The following BANF2 variants were observed in gnomAD, a reference collection of about 807,000 sequenced individuals.
BANF2 encodes BANF family member 2, also known as barrier-to-autointegration factor-like protein.
BANF2 carries 4 observed loss-of-function variants against 8.0 expected under a neutral mutation model. That is an observed-to-expected ratio of 0.50 (90% CI 0.25 to 1.14). BANF2 has a LOEUF of 1.14. Among genes scored for constraint, BANF2 ranks in the 50% most tolerant of loss-of-function variants. BANF2 has a pLI of 0.16. For missense variants in BANF2, 96 were observed against 107.5 expected (o/e 0.89, Z 0.47); for synonymous variants, 50 against 40.6 (o/e 1.23, Z -0.88).
chr20:17,703,636 G>T (rs1402537745), intron 1 of BANF2, among the ~76,000 whole-genome samples: 1 of 152,150 alleles, frequency 6.6e-6, no homozygotes, highest in Non-Finnish European at 1.5e-5. Context: ...GGCCCAAGAA[G>T]GCCTCACTCA....
At chr20:17,700,338 C>T (rs1397729342) in intron 1 of BANF2, among the ~76,000 whole-genome samples, 2 of 146,902 alleles carry the variant, frequency 1.4e-5, no homozygotes, top group African/African-American at 5.3e-5. Flanking sequence ...GCAAAGGTCA[C>T]CTGTGTTCTT....
In BANF2 at chr20:17,709,338, C is replaced by T. The variant is rs541118934; in HGVS notation, c.-167+9283C>T. On this transcript the variant is annotated intron_variant, in intron 1 of 3. Coordinates refer to ENST00000246090, the MANE Select transcript of BANF2 (RefSeq NM_178477.5). ...GGTCCTTAGGAGGATCCAGAACCAC[C>T]GCACTGAGGCCTAGCAGGCAAGGGC... is the stretch of plus-strand genomic sequence containing the variant. Among the ~76,000 whole-genome samples the T allele has an allele frequency of 9.2e-5, 14 of 152,282 alleles. No individual in the cohort carries two copies. In the South Asian group the frequency reaches 1.0e-3, roughly 11 times the overall value.
At chr20:17,727,378 A>G (rs2122640452) in intron 3 of BANF2, among the ~76,000 whole-genome samples, 1 of 152,280 alleles carries the variant, frequency 6.6e-6, no homozygotes, top group East Asian at 1.9e-4. Flanking sequence ...CAGTGAGGAG[A>G]CAAGGGCTCC....
At chr20:17,711,297 G>A (rs926993389) in intron 1 of BANF2, among the ~76,000 whole-genome samples, 1 of 152,238 alleles carries the variant, frequency 6.6e-6, no homozygotes, top group Admixed American at 6.5e-5. Context: ...CCTCATGAGA[G>A]TCACTTTTGC....
At chr20:17,727,393 AGCAG>A (rs1342536302) in intron 3 of BANF2, among the ~76,000 whole-genome samples, 12 of 152,232 alleles carry the variant, frequency 7.9e-5, no homozygotes, top group Non-Finnish European at 1.6e-4. Flanking sequence ...GGCTCCGAGG[AGCAG>A]TGCCTTGTCC....
chr20:17,719,733 G>A (rs2037703547), intron 1 of BANF2, among the ~76,000 whole-genome samples: 1 of 150,728 alleles, frequency 6.6e-6, no homozygotes, highest in South Asian at 2.1e-4. Flanking sequence ...AGGTCTGTCT[G>A]CTCTGAAGTT....
At chr20:17,712,819 T>C (rs949473977) in intron 1 of BANF2, among the ~76,000 whole-genome samples, 1 of 152,142 alleles carries the variant, frequency 6.6e-6, no homozygotes, top group Non-Finnish European at 1.5e-5. Flanking sequence ...TTTAGAAATA[T>C]GTTACAGTGC....
upstream of BANF2, among the ~76,000 whole-genome samples, chr20:17,697,713 G>A (rs764146066): frequency 6.6e-6 from 1 of 152,208 alleles, no homozygotes; most frequent in Non-Finnish European, 1.5e-5. Flanking sequence ...TGTGGGGTAT[G>A]TTAGCAAGCC....
Position 17,694,599 on chromosome 20 carries a change from C to CTTTTTTTTTTT in BANF2, c.18+894_18+895insTTTTTTTTTTT, listed in dbSNP as rs1256251082. ...AGGGGGCTATTTTTGTTTTTTCTCT[C>CTTTTTTTTTTT]TCTTTTTTTTTTTTTTTTTTTTTTT... On this transcript the variant is annotated intron_variant, in intron 1 of 2. Coordinates refer to the BANF2 transcript ENST00000545418. Among the ~76,000 whole-genome samples, 117 of 82,756 alleles carry CTTTTTTTTTTT rather than the reference C, an allele frequency of 1.4e-3. 7 individuals carry two copies. The highest frequency in any genetic ancestry group is 3.0e-3 in the East Asian group (6 of 1,968). 54.3% of individuals were successfully genotyped at this position (82,756 alleles called of 152,430 possible).
At chr20:17,734,407 C>T (rs1194683640) in intron 3 of BANF2, among the ~76,000 whole-genome samples, 2 of 152,128 alleles carry the variant, frequency 1.3e-5, no homozygotes, top group African/African-American at 4.8e-5. Context: ...GAATGCCTTC[C>T]CATTTAATTC....
At chr20:17,708,611 T>C (rs1451766361) in intron 1 of BANF2, among the ~76,000 whole-genome samples, 1 of 152,186 alleles carries the variant, frequency 6.6e-6, no homozygotes, top group Admixed American at 6.5e-5. Context: ...CCAATGTTGG[T>C]CCTCTTTTAT....
At chr20:17,715,279 G>A (rs539739486) in intron 1 of BANF2, among the ~76,000 whole-genome samples, 1 of 152,332 alleles carries the variant, frequency 6.6e-6, no homozygotes, top group South Asian at 2.1e-4. Context: ...ACCGTGTGTG[G>A]TGTGCCCTGC....
At chr20:17,703,828 G>A (rs559488678) in intron 1 of BANF2, among the ~76,000 whole-genome samples, 41 of 144,680 alleles carry the variant, frequency 2.8e-4, no homozygotes, top group Admixed American at 2.4e-3. Context: ...TGCAACCTCC[G>A]CCTCCCAATC....
At chr20:17,697,514 A>G (rs372676754), upstream of BANF2, among the ~76,000 whole-genome samples, 14 of 152,364 alleles carry the variant, frequency 9.2e-5, no homozygotes, top group East Asian at 2.5e-3. Context: ...GCCAATTTAT[A>G]TAGTTTCTCC....
At chr20:17,731,665 A>T (rs1489912343) in intron 3 of BANF2, among the ~76,000 whole-genome samples, 1 of 147,206 alleles carries the variant, frequency 6.8e-6, no homozygotes, top group East Asian at 2.0e-4. Context: ...CTGAGGTGGG[A>T]GGATCATTTG....
At chr20:17,704,633 C>T (rs1006037322) in intron 1 of BANF2, among the ~76,000 whole-genome samples, 6 of 152,240 alleles carry the variant, frequency 3.9e-5, no homozygotes, top group African/African-American at 1.2e-4. Flanking sequence ...ATTGCTTTAT[C>T]AGCCTTTAAG....
chr20:17,719,725 GTC>G (rs1304732682), intron 1 of BANF2, among the ~76,000 whole-genome samples: 3 of 150,648 alleles, frequency 2.0e-5, no homozygotes, highest in African/African-American at 7.3e-5. Context: ...TGTTATTCAG[GTC>G]TGTCTGCTCT....
chr20:17,698,315 T>C (rs1433901150), upstream of BANF2, among the ~76,000 whole-genome samples: 2 of 152,210 alleles, frequency 1.3e-5, no homozygotes, highest in African/African-American at 4.8e-5. Flanking sequence ...TCAGACATAA[T>C]TGTCAGCTCC....
intron 1 of BANF2, among the ~76,000 whole-genome samples, chr20:17,705,061 G>A (rs2037463288): frequency 7.9e-6 from 1 of 127,164 alleles, no homozygotes; most frequent in Admixed American, 7.3e-5. Flanking sequence ...GCCAGGCCTG[G>A]TCATGTGTGT....
Sources: allele counts gnomAD v4.1 joint callset (sites outside exome capture counted in the v4.1 genomes callset), GRCh38; gene constraint gnomAD v4.1.1; transcripts MANE v1.5; gene names NCBI Gene and HGNC (gene_info 2026-07-23, HGNC 2026-07-21).